FHOD3: variants seen among roughly 807,000 people sequenced by gnomAD.
FHOD3 encodes the protein FH1/FH2 domain-containing protein 3.
A neutral mutation model predicts 173.0 loss-of-function variants in FHOD3; 90 were observed. The observed-to-expected ratio is 0.52, with a 90% CI of 0.44 to 0.62. The LOEUF (loss-of-function observed/expected upper bound fraction) is 0.62, where lower values mean the gene tolerates loss of function less well. FHOD3 is among the 20% of genes least tolerant of loss of function. The probability of loss-of-function intolerance (pLI) is 0.00; values close to 1 mark genes in which losing one functional copy is unlikely to be tolerated. For synonymous variants in FHOD3, 828 were observed against 823.0 expected, an observed-to-expected ratio of 1.01 and a Z score of -0.10; for missense variants, 1,945 against 2,034.7, an observed-to-expected ratio of 0.96 and a Z score of 0.85.
intron 3 of FHOD3, among the ~76,000 whole-genome samples, chr18:36,457,726 C>G (rs889899916): frequency 2.6e-5 from 4 of 152,080 alleles, no homozygotes; most frequent in Admixed American, 2.0e-4. Context: ...GAGTTGGTAC[C>G]TGCTCTTTCT....
At chr18:36,668,550 CT>C (rs2037331818) in intron 14 of FHOD3, among the ~76,000 whole-genome samples, 1 of 151,710 alleles carries the variant, frequency 6.6e-6, no homozygotes, top group Non-Finnish European at 1.5e-5. Flanking sequence ...AAAATTTGCT[CT>C]TTTTTTCAGT....
intron 5 of FHOD3, among the ~76,000 whole-genome samples, chr18:36,524,723 G>A (rs1469498975): frequency 1.3e-5 from 2 of 152,228 alleles, no homozygotes; most frequent in East Asian, 1.9e-4. Context: ...TTAATCTGGA[G>A]GATTGAATAA....
chr18:36,510,272 ATTCTG>A (rs1455984284), intron 4 of FHOD3, among the ~76,000 whole-genome samples: 4 of 152,362 alleles, frequency 2.6e-5, no homozygotes, highest in African/African-American at 9.6e-5. Context: ...ATTTCATTCT[ATTCTG>A]AAACCAATGT....
intron 3 of FHOD3, among the ~76,000 whole-genome samples, chr18:36,408,089 T>C (rs1317547546): frequency 1.3e-5 from 2 of 152,190 alleles, no homozygotes; most frequent in African/African-American, 4.8e-5. Context: ...TCCAGAGCCC[T>C]TGGGGCTACA....
intron 3 of FHOD3, among the ~76,000 whole-genome samples, chr18:36,405,472 A>G (rs2146759695): frequency 6.6e-6 from 1 of 152,302 alleles, no homozygotes; most frequent in East Asian, 1.9e-4. Flanking sequence ...AGCCAAATTG[A>G]TAGTCATGGA....
At chr18:36,617,325 C>T (rs1314341862) in intron 9 of FHOD3, among the ~76,000 whole-genome samples, 1 of 152,152 alleles carries the variant, frequency 6.6e-6, no homozygotes, top group African/African-American at 2.4e-5. Flanking sequence ...TGCCCCTAAA[C>T]AATGTATTAT....
chr18:36,414,092 C>A lies in FHOD3; in HGVS notation c.337+41348C>A, dbSNP rs11874543. Among the ~76,000 whole-genome samples, 1,078 of 152,256 alleles carry A rather than the reference C, an allele frequency of 7.1e-3. 14 individuals are homozygous for A. Among genetic ancestry groups the A allele is most frequent in the African/African-American group, 0.024 (1,009 of 41,542 alleles). ...GAGGTTTTATAGTTTTTCAGCTGAG[C>A]ACATTTAACTCAGCAGGTCCACCTT... On this transcript the variant is annotated intron_variant, in intron 3 of 28. Transcript: ENST00000590592.
At chr18:36,337,979 G>C (rs1226273702) in intron 1 of FHOD3, among the ~76,000 whole-genome samples, 3 of 152,190 alleles carry the variant, frequency 2.0e-5, no homozygotes, top group Admixed American at 6.5e-5. Flanking sequence ...AACAAGTAGA[G>C]GTGTTTGGTT....
chr18:36,331,743 C>T (rs1034851344), intron 1 of FHOD3, among the ~76,000 whole-genome samples: 2 of 152,100 alleles, frequency 1.3e-5, no homozygotes, highest in African/African-American at 2.4e-5. Flanking sequence ...GAAGCAACTT[C>T]CCAGAGCTCA....
rs201434680 is a variant in FHOD3, at chr18:36,695,106, GC to G, written c.2236+1685del. Among the ~76,000 whole-genome samples the G allele has an allele frequency of 4.2e-3, 635 of 152,078 alleles. 8 individuals are homozygous for G. The highest frequency in any genetic ancestry group is 0.014 in the African/African-American group (600 of 41,472). ...GCGTGTAATCCCAGCACTTTGGGAGGCCGAGGTGGGTGGATCACCTGAGGTC... is the reference window on the plus strand; with the variant it reads ...GCGTGTAATCCCAGCACTTTGGGAGGCGAGGTGGGTGGATCACCTGAGGTC... On this transcript the variant is annotated intron_variant, in intron 17 of 28. Coordinates refer to ENST00000590592, the MANE Select transcript of FHOD3 (RefSeq NM_001281740.3).
intron 1 of FHOD3, among the ~76,000 whole-genome samples, chr18:36,310,772 G>A (rs1415062957): frequency 6.6e-6 from 1 of 152,050 alleles, no homozygotes; most frequent in Non-Finnish European, 1.5e-5. Context: ...AAAGCCTCGT[G>A]GAGAAGGAGG....
intron 3 of FHOD3, among the ~76,000 whole-genome samples, chr18:36,463,424 A>T (rs934855478): frequency 1.5e-4 from 2 of 13,736 alleles, no homozygotes; most frequent in African/African-American, 1.2e-3. Flanking sequence ...AATAATATAT[A>T]TTTTTATTTA....
rs113419803 is a variant in FHOD3 at position 36,774,445 on chromosome 18, G to A, written c.4787-5003G>A. On this transcript the variant is annotated intron_variant, in intron 28 of 28. Transcript: ENST00000590592. Reference sequence around the variant, plus strand: ...AGACTGTCACTGTCCTGAAAACCCCGCCTTTTCCTGCATCTCAGATGACAG... The same window carrying A: ...AGACTGTCACTGTCCTGAAAACCCCACCTTTTCCTGCATCTCAGATGACAG... Among the ~76,000 whole-genome samples the A allele has an allele frequency of 2.9e-3, 447 of 152,240 alleles. 7 individuals are homozygous for A. The highest frequency in any genetic ancestry group is 3.6e-3 in the Non-Finnish European group (243 of 68,012).
intron 3 of FHOD3, among the ~76,000 whole-genome samples, chr18:36,488,005 G>T (rs1298655062): frequency 6.6e-6 from 1 of 152,190 alleles, no homozygotes; most frequent in African/African-American, 2.4e-5. Flanking sequence ...TTATTTTACT[G>T]TTGTTCTTCT....
intron 20 of FHOD3, among the ~76,000 whole-genome samples, chr18:36,738,880 T>C (rs1348421264): frequency 1.3e-5 from 2 of 152,234 alleles, no homozygotes; most frequent in African/African-American, 4.8e-5. Context: ...CCAAGGTTAC[T>C]CTTTTTCAAA....
At chr18:36,630,252 A>T (rs1442740210) in intron 10 of FHOD3, among the ~76,000 whole-genome samples, 2 of 152,308 alleles carry the variant, frequency 1.3e-5, no homozygotes, top group South Asian at 2.1e-4. Context: ...TTTCTAGTTT[A>T]AAAAAATCCA....
At chr18:36,777,994 A>G (rs1323077140) in intron 28 of FHOD3, 1 of 152,246 alleles carries the variant, frequency 6.6e-6, no homozygotes, top group Non-Finnish European at 1.5e-5. Context: ...TGGGTTCTCA[A>G]TAAATCATTT....
chr18:36,538,213 C>G (rs978003237), intron 5 of FHOD3, among the ~76,000 whole-genome samples: 18 of 152,072 alleles, frequency 1.2e-4, no homozygotes, highest in African/African-American at 4.3e-4. Flanking sequence ...TTTTATAGAA[C>G]TAAATGTCTA....
chr18:36,572,548 C>T (rs966447117), intron 5 of FHOD3, among the ~76,000 whole-genome samples: 2 of 152,170 alleles, frequency 1.3e-5, no homozygotes, highest in African/African-American at 2.4e-5. Context: ...TTAGCGTGAT[C>T]GGACACTTGA....
Sources: gnomAD v4.1 joint callset for allele counts (sites outside exome capture counted in the v4.1 genomes callset) on GRCh38, gnomAD v4.1.1 for gene constraint, MANE v1.5 for transcripts, NCBI Gene and HGNC (gene_info 2026-07-23, HGNC 2026-07-21) for gene names.